SV2C: variants seen among roughly 807,000 people sequenced by gnomAD.
The protein encoded by SV2C is solute carrier family 22 member B3.
SV2C carries 49 observed loss-of-function variants against 79.7 expected under a neutral mutation model. The ratio of observed to expected loss-of-function variants is 0.61; its 90% CI spans 0.49 to 0.78. SV2C has a LOEUF of 0.78. Among genes scored for constraint, SV2C ranks in the 30% least tolerant of loss-of-function variants. SV2C has a pLI of 0.00. For synonymous variants in SV2C, 334 were observed against 333.2 expected (o/e 1.00, Z -0.03); for missense variants, 833 against 912.9 (o/e 0.91, Z 1.13).
the SV2C span, among the ~76,000 whole-genome samples, chr5:75,963,740 G>T: frequency 6.6e-6 from 1 of 151,900 alleles, no homozygotes; most frequent in African/African-American, 2.4e-5. Flanking sequence ...TATTTTCTTT[G>T]GTACTTTCCT....
the SV2C span, among the ~76,000 whole-genome samples, chr5:76,035,115 G>C: frequency 1.3e-5 from 2 of 151,910 alleles, no homozygotes; most frequent in Non-Finnish European, 2.9e-5. Flanking sequence ...ATTTTTTATT[G>C]CGTCTATTTG....
At chr5:75,915,243 A>C in the SV2C span, among the ~76,000 whole-genome samples, 1 of 152,196 alleles carries the variant, frequency 6.6e-6, no homozygotes, top group Non-Finnish European at 1.5e-5. Context: ...GGTCACAACT[A>C]TCAGTGTGCC....
intron 4 of SV2C, among the ~76,000 whole-genome samples, chr5:76,250,798 G>T (rs1746090064): frequency 6.6e-6 from 1 of 152,170 alleles, no homozygotes; most frequent in African/African-American, 2.4e-5. Flanking sequence ...AGCCAGATGG[G>T]CACAGATTAA....
chr5:76,352,447 C>T (rs146180988), intron 12 of SV2C, among the ~76,000 whole-genome samples: 283 of 152,200 alleles, frequency 1.9e-3, no homozygotes, highest in African/African-American at 6.6e-3. Flanking sequence ...AATGGATTAA[C>T]GTTATCTCAA....
At chr5:76,095,843 T>G (rs1747537567) in intron 1 of SV2C, among the ~76,000 whole-genome samples, 1 of 152,162 alleles carries the variant, frequency 6.6e-6, no homozygotes, top group Non-Finnish European at 1.5e-5. Flanking sequence ...TACCAATCCC[T>G]TTGAAAGCAA....
chr5:75,902,181 C>T, the SV2C span, among the ~76,000 whole-genome samples: 2 of 152,180 alleles, frequency 1.3e-5, no homozygotes, highest in East Asian at 1.9e-4. Context: ...TCTTCTTTGT[C>T]GCTCACGCTG....
At chr5:76,122,710 A>G (rs1748558367) in intron 1 of SV2C, among the ~76,000 whole-genome samples, 1 of 152,040 alleles carries the variant, frequency 6.6e-6, no homozygotes, top group African/African-American at 2.4e-5. Flanking sequence ...AATCTCTGGG[A>G]CACATTCAAA....
intron 12 of SV2C, among the ~76,000 whole-genome samples, chr5:76,342,221 A>G (rs2972841): frequency 0.69 from 104,207 of 152,014 alleles, 36,155 homozygotes; most frequent in East Asian, 0.97. Context: ...GGCAGACCTG[A>G]CACAACTCGT....
chr5:76,198,226 G>A (rs1404701238), intron 3 of SV2C, among the ~76,000 whole-genome samples: 4 of 152,156 alleles, frequency 2.6e-5, no homozygotes, highest in African/African-American at 4.8e-5. Context: ...CAAATCTTAC[G>A]TTGAAATTTG....
the SV2C span, among the ~76,000 whole-genome samples, chr5:75,918,354 T>C: frequency 2.0e-5 from 3 of 152,254 alleles, no homozygotes; most frequent in African/African-American, 7.2e-5. Context: ...TTCTTTTTCC[T>C]ATACATTATG....
intron 3 of SV2C, among the ~76,000 whole-genome samples, chr5:76,195,537 G>T (rs765925354): frequency 1.3e-5 from 2 of 152,116 alleles, no homozygotes; most frequent in Non-Finnish European, 2.9e-5. Flanking sequence ...TGTTAACTTG[G>T]CATATTTAAC....
intron 2 of SV2C, among the ~76,000 whole-genome samples, chr5:76,164,423 T>C (rs1377403216): frequency 6.6e-6 from 1 of 152,202 alleles, no homozygotes; most frequent in African/African-American, 2.4e-5. Flanking sequence ...GGATGTCCTA[T>C]GTAGTAGATC....
At chr5:76,097,814 T>A (rs1747614192) in intron 1 of SV2C, among the ~76,000 whole-genome samples, 1 of 152,178 alleles carries the variant, frequency 6.6e-6, no homozygotes, top group Non-Finnish European at 1.5e-5. Context: ...TAATATTGTG[T>A]CTGAAGGGAA....
At chr5:76,301,638 G>A in intron 12 of SV2C, 93 bp downstream of exon 12, 1 of 1,446,082 alleles carries the variant, frequency 6.9e-7, no homozygotes, top group Non-Finnish European at 9.4e-7. Flanking sequence ...GCTGGGCACG[G>A]TAGCTTATGC....
chr5:76,276,452 C>T (rs1273258938), intron 4 of SV2C, among the ~76,000 whole-genome samples: 2 of 152,190 alleles, frequency 1.3e-5, no homozygotes, highest in African/African-American at 4.8e-5. Flanking sequence ...CCTCCCACCT[C>T]AGCCTCCCAA....
chr5:76,007,169 A>G, the SV2C span, among the ~76,000 whole-genome samples: 1 of 151,958 alleles, frequency 6.6e-6, no homozygotes. Flanking sequence ...GATTTTCTAG[A>G]ATGTATTGCT....
At chr5:76,336,248 C>T (rs574684722), downstream of SV2C, among the ~76,000 whole-genome samples, 1 of 151,912 alleles carries the variant, frequency 6.6e-6, no homozygotes, top group South Asian at 2.1e-4. Context: ...CCTCACTTCT[C>T]ATATGGGGCG....
At chr5:76,306,771 G>A (rs557325727) in intron 12 of SV2C, among the ~76,000 whole-genome samples, 159 of 152,244 alleles carry the variant, frequency 1.0e-3, no homozygotes, top group African/African-American at 3.7e-3. Context: ...ATAAAGAAAT[G>A]TCAACAAACA....
chr5:76,241,182 CTTTTTT>C (rs60557642), intron 4 of SV2C, among the ~76,000 whole-genome samples: 1 of 137,066 alleles, frequency 7.3e-6, no homozygotes, highest in African/African-American at 2.7e-5. Context: ...GTCTCAATCT[CTTTTTT>C]TTTTTTTTTT....
Sources: allele counts gnomAD v4.1 joint callset (sites outside exome capture counted in the v4.1 genomes callset), GRCh38; gene constraint gnomAD v4.1.1; transcripts MANE v1.5; gene names NCBI Gene and HGNC (gene_info 2026-07-23, HGNC 2026-07-21).